SPMAP1: variants seen among roughly 807,000 people sequenced by gnomAD.
The protein encoded by SPMAP1 is uncharacterized protein C17orf98.
the SPMAP1 span, among the ~76,000 whole-genome samples, chr17:38,839,553 C>T: frequency 4.0e-5 from 6 of 151,560 alleles, no homozygotes; most frequent in Admixed American, 2.0e-4. Context: ...TTTTGGAGGC[C>T]GAGGCAGGCA....
At chr17:38,836,904 C>A in the SPMAP1 span, among the ~76,000 whole-genome samples, 5 of 151,314 alleles carry the variant, frequency 3.3e-5, no homozygotes, top group Non-Finnish European at 7.4e-5. Context: ...CGTGCTACTG[C>A]ATTTCATGCA....
At chr17:38,839,464 T>A in the SPMAP1 span, among the ~76,000 whole-genome samples, 2 of 73,754 alleles carry the variant, frequency 2.7e-5, no homozygotes, top group Admixed American at 2.1e-4. Context: ...CAAGACCCTG[T>A]CTCAAAAAAA....
the SPMAP1 span, chr17:38,841,090 G>T: frequency 2.5e-6 from 2 of 795,756 alleles, no homozygotes; most frequent in Non-Finnish European, 4.0e-6. Context: ...AAAGTAAACC[G>T]AGGAGGTGAA....
chr17:38,835,201 G>A, the SPMAP1 span: 1 of 1,614,188 alleles, frequency 6.2e-7, no homozygotes, highest in South Asian at 1.1e-5. Flanking sequence ...AGAACAGAGG[G>A]AAGTGGGTGA....
chr17:38,839,326 A>ATGGTGAAACCCTGTCTCTGTAGTC, the SPMAP1 span, among the ~76,000 whole-genome samples: 1 of 151,570 alleles, frequency 6.6e-6, no homozygotes, highest in African/African-American at 2.4e-5. Context: ...CCTGGGCAAC[A>ATGGTGAAACCCTGTCTCTGTAGTC]TGGTGAAACC....
At chr17:38,841,181 ACCTGAT>A in the SPMAP1 span, 41 of 1,613,008 alleles carry the variant, frequency 2.5e-5, no homozygotes, top group Non-Finnish European at 3.4e-5. Context: ...AAGCTCCTAT[ACCTGAT>A]CAGTTTTCCG....
At chr17:38,839,783 G>C in the SPMAP1 span, among the ~76,000 whole-genome samples, 1 of 151,980 alleles carries the variant, frequency 6.6e-6, no homozygotes, top group Admixed American at 6.6e-5. Flanking sequence ...CTGGGCGACA[G>C]AGCGAGACTC....
the SPMAP1 span, chr17:38,835,334 T>C: frequency 6.2e-7 from 1 of 1,614,050 alleles, no homozygotes; most frequent in East Asian, 2.2e-5. Flanking sequence ...AGTCACCTGC[T>C]GGAGAGAATG....
the SPMAP1 span, chr17:38,835,477 A>G: frequency 4.2e-6 from 4 of 950,090 alleles, no homozygotes; most frequent in Non-Finnish European, 6.3e-6. Context: ...CACGCAATCC[A>G]CAAGTGTCCT....
chr17:38,841,181 AC>A, the SPMAP1 span: 2 of 1,613,008 alleles, frequency 1.2e-6, no homozygotes, highest in Non-Finnish European at 1.7e-6. Flanking sequence ...AAGCTCCTAT[AC>A]CTGATCAGTT....
chr17:38,840,617 CAAAAAAAAAAAAAAAAAAAAA>C, the SPMAP1 span, among the ~76,000 whole-genome samples: 43 of 48,726 alleles, frequency 8.8e-4, no homozygotes, highest in South Asian at 2.3e-3. Context: ...CCCCTCTCTA[CAAAAAAAAAAAAAAAAAAAAA>C]AAAAAAAAAA....
chr17:38,839,759 C>T, the SPMAP1 span, among the ~76,000 whole-genome samples: 80 of 151,872 alleles, frequency 5.3e-4, no homozygotes, highest in African/African-American at 1.9e-3. Context: ...GAGATCCTGC[C>T]ACTGCACTCC....
the SPMAP1 span, among the ~76,000 whole-genome samples, chr17:38,838,914 G>T: frequency 1.3e-5 from 2 of 151,754 alleles, no homozygotes; most frequent in Non-Finnish European, 2.9e-5. Flanking sequence ...GTGAAACCCC[G>T]TCTCTACTAA....
At chr17:38,840,543 G>A in the SPMAP1 span, among the ~76,000 whole-genome samples, 15 of 146,982 alleles carry the variant, frequency 1.0e-4, no homozygotes, top group Admixed American at 9.8e-4. Flanking sequence ...AAAACTGGGA[G>A]GCGGTGGCGG....
At chr17:38,838,823 G>A in the SPMAP1 span, among the ~76,000 whole-genome samples, 11 of 151,244 alleles carry the variant, frequency 7.3e-5, no homozygotes, top group Non-Finnish European at 1.3e-4. Flanking sequence ...GGTGGCCCAC[G>A]CCTGTAATCC....
the SPMAP1 span, among the ~76,000 whole-genome samples, chr17:38,836,248 C>G: frequency 6.6e-6 from 1 of 152,054 alleles, no homozygotes; most frequent in Non-Finnish European, 1.5e-5. Context: ...GCTCAGCCCT[C>G]TTGCCAAATT....
chr17:38,836,886 C>A, the SPMAP1 span, among the ~76,000 whole-genome samples: 1 of 151,728 alleles, frequency 6.6e-6, no homozygotes, highest in South Asian at 2.1e-4. Context: ...TGAGCCACTG[C>A]ACCTGTCCGT....
chr17:38,836,948 CA>C, the SPMAP1 span, among the ~76,000 whole-genome samples: 4,151 of 127,090 alleles, frequency 0.033, 146 homozygotes, highest in African/African-American at 0.1. Flanking sequence ...GACCACGTCT[CA>C]AAAAAAAAAA....
the SPMAP1 span, among the ~76,000 whole-genome samples, chr17:38,838,954 C>T: frequency 3.3e-5 from 5 of 151,290 alleles, no homozygotes; most frequent in South Asian, 2.1e-4. Flanking sequence ...GGTGTGGTGG[C>T]GGGCGCTTGT....
Sources: gnomAD v4.1 joint callset for allele counts (sites outside exome capture counted in the v4.1 genomes callset) on GRCh38, gnomAD v4.1.1 for gene constraint, MANE v1.5 for transcripts, NCBI Gene and HGNC (gene_info 2026-07-23, HGNC 2026-07-21) for gene names.